Variants in CHD9 observed in about 807,000 individuals in gnomAD.
CHD9 encodes chromodomain helicase DNA binding protein 9.
CHD9 carries 77 observed loss-of-function variants against 316.1 expected under a neutral mutation model. That is an observed-to-expected ratio of 0.24 (90% CI 0.20 to 0.29). CHD9 has a LOEUF of 0.29. Among genes scored for constraint, CHD9 ranks in the 10% least tolerant of loss-of-function variants. The probability of loss-of-function intolerance (pLI) is 1.00; values close to 1 mark genes in which losing one functional copy is unlikely to be tolerated. For synonymous variants in CHD9, 1,129 were observed against 1,158.3 expected, an observed-to-expected ratio of 0.97 and a Z score of 0.51; for missense variants, 2,763 against 3,438.1, an observed-to-expected ratio of 0.80 and a Z score of 4.91.
rs1194740650 is a variant in CHD9, at chr16:53,229,018, A to G, written c.2204A>G (p.Gln735Arg). The change falls in exon 8 of 39, where the codon CAG becomes CGG. Residue 735 changes from glutamine (Q) to arginine (R), a missense_variant. Gln to Arg is a conservative substitution (Grantham distance 43). This residue lies in a region of CHD9 where 859 missense variants were observed against 890.4 expected (regional missense o/e 0.96). Coordinates refer to ENST00000447540, the MANE Select transcript of CHD9 (RefSeq NM_001308319.2). ...YLHCEWATEE[Q>R]LLKDKRIQQK... ...CACTGTGAGTGGGCCACAGAAGAGC[A>G]GCTTTTGAAAGATAAAAGGATCCAG... 6.3e-7 allele frequency: 1 copy of G among 1,593,556 alleles called. No individual in the cohort carries two copies. Among genetic ancestry groups the G allele is most frequent in the Non-Finnish European group, 8.6e-7 (1 of 1,169,244 alleles).
At chr16:53,274,172 G>T in intron 23 of CHD9, 41 bp from the exon 24 acceptor site, 3 of 1,236,914 alleles carry the variant, frequency 2.4e-6, no homozygotes, top group East Asian at 2.4e-5. Flanking sequence ...TTTAAACGAT[G>T]AATGTCTTTA....
In CHD9 at chr16:53,323,872, T is replaced by C. The variant is rs1178858533; in HGVS notation, c.7819-148T>C. 9.3e-6 allele frequency: 6 copies of C among 647,790 alleles called. No homozygotes were observed. In the African/African-American group the frequency reaches 1.1e-4, roughly 12 times the overall value. 40.1% of individuals were successfully genotyped at this position (647,790 alleles called of 1,614,324 possible). A position where few individuals can be genotyped will look rare whatever the true frequency, so the allele number is the denominator to read the frequency against. On this transcript the variant is annotated intron_variant, in intron 38 of 38. Transcript: ENST00000447540. ...AAGCTACCACTTATATAAAATTAGG[T>C]TATTGCTATTATAATTGATTATTTA...
intron 1 of CHD9, among the ~76,000 whole-genome samples, chr16:53,057,124 A>T (rs1341589133): frequency 6.6e-6 from 1 of 152,168 alleles, no homozygotes; most frequent in African/African-American, 2.4e-5. Flanking sequence ...CAGCCTGGGT[A>T]ACACAGTAAG....
chr16:53,307,332 A>G (rs1275160747), intron 32 of CHD9, among the ~76,000 whole-genome samples: 1 of 152,010 alleles, frequency 6.6e-6, no homozygotes, highest in Admixed American at 6.6e-5. Flanking sequence ...ATAGTGGCAC[A>G]ATTTTTTAAT....
intron 5 of CHD9, 137 bp downstream of exon 5, chr16:53,226,649 C>A: frequency 1.1e-6 from 1 of 938,522 alleles, no homozygotes; most frequent in Non-Finnish European, 1.6e-6. Flanking sequence ...TTGAGTCATT[C>A]AAATTAGAAA....
chr16:53,303,731 C>G lies in CHD9; in HGVS notation c.5725C>G (p.Pro1909Ala). 2 of 1,593,102 alleles carry G rather than the reference C, an allele frequency of 1.3e-6. No individual in the cohort carries two copies. Among genetic ancestry groups the G allele is most frequent in the Non-Finnish European group, 1.7e-6 (2 of 1,169,392 alleles). Residue 1909 changes from proline (P) to alanine (A), a missense_variant, in exon 31 of 39, where the codon CCA becomes GCA. Physicochemically the swap from Pro to Ala is conservative, Grantham distance 27. Around this residue, in one of 15 missense-constraint regions of CHD9, gnomAD observed 663 missense variants for 751.2 expected, o/e 0.88. Transcript: ENST00000447540. ...RLPSKEELVDPNIFIQPITEE... is the reference protein window; with the variant it reads ...RLPSKEELVDANIFIQPITEE... ...GTTTCAATATGTAGAATTGGTGGAT[C>G]CAAATATTTTTATCCAGCCCATCAC...
At chr16:53,211,740 A>G (rs1365656434) in intron 3 of CHD9, among the ~76,000 whole-genome samples, 2 of 152,152 alleles carry the variant, frequency 1.3e-5, no homozygotes, top group Non-Finnish European at 2.9e-5. Context: ...TCAATCATTT[A>G]TATCAGTCAA....
At chr16:53,162,841 G>A (rs2042011838) in intron 2 of CHD9, among the ~76,000 whole-genome samples, 1 of 149,780 alleles carries the variant, frequency 6.7e-6, no homozygotes. Flanking sequence ...GGAGTGCAGT[G>A]GGGCGTGATC....
At chr16:53,144,772 C>A (rs1399053604) in intron 1 of CHD9, among the ~76,000 whole-genome samples, 1 of 152,120 alleles carries the variant, frequency 6.6e-6, no homozygotes, top group East Asian at 1.9e-4. Context: ...GATTCGCCCA[C>A]CTCAGCCTCC....
At chr16:53,261,408 C>T (rs1302821686) in intron 19 of CHD9, among the ~76,000 whole-genome samples, 1 of 122,764 alleles carries the variant, frequency 8.1e-6, no homozygotes, top group Non-Finnish European at 1.7e-5. Context: ...GTTTTCTCGC[C>T]AGGCTGGAGT....
intron 1 of CHD9, among the ~76,000 whole-genome samples, chr16:53,085,564 T>G (rs143259204): frequency 3.3e-5 from 5 of 152,258 alleles, no homozygotes; most frequent in African/African-American, 4.8e-5. Context: ...GGGGATAAGT[T>G]CCCATTCCAT....
At chr16:53,103,125 A>G (rs1176565931) in intron 1 of CHD9, among the ~76,000 whole-genome samples, 8 of 149,218 alleles carry the variant, frequency 5.4e-5, no homozygotes, top group Non-Finnish European at 1.0e-4. Flanking sequence ...GATTATAGGC[A>G]TGAGCCACCC....
In CHD9 at chr16:53,227,376, T is replaced by C. The variant is rs2047747505; in HGVS notation, c.2044-20T>C. ...CTTTCAGAATGTGTTCTGTCATTAT[T>C]TCTTTCCTCCCTCCCATAGGAGAAT... is the stretch of plus-strand genomic sequence containing the variant. On this transcript the variant is annotated intron_variant, in intron 5 of 38. Coordinates refer to ENST00000447540, the MANE Select transcript of CHD9 (RefSeq NM_001308319.2). The C allele has an allele frequency of 4.6e-6, 7 of 1,514,008 alleles. No individual in the cohort carries two copies. In the South Asian group the frequency reaches 8.6e-5, roughly 19 times the overall value. The allele number at this position is 1,514,008 out of a possible 1,614,324, so 93.8% of individuals were successfully genotyped here.
At chr16:53,059,894 T>A (rs1204487539) in intron 1 of CHD9, among the ~76,000 whole-genome samples, 1 of 151,992 alleles carries the variant, frequency 6.6e-6, no homozygotes, top group Non-Finnish European at 1.5e-5. Flanking sequence ...GATGAGAAAC[T>A]GCCACTGTAG....
intron 1 of CHD9, among the ~76,000 whole-genome samples, chr16:53,109,177 C>T (rs923006703): frequency 1.3e-5 from 2 of 152,078 alleles, no homozygotes; most frequent in Non-Finnish European, 2.9e-5. Context: ...CAGCCAGTTT[C>T]TCCTAATCCC....
intron 17 of CHD9, chr16:53,250,768 ATTATT>A (rs1205586874): frequency 6.6e-6 from 1 of 152,042 alleles, no homozygotes; most frequent in Non-Finnish European, 1.5e-5. Flanking sequence ...TATAAGAGAA[ATTATT>A]TTATTATTCA....
chr16:53,067,843 T>G (rs1237981682), intron 1 of CHD9, among the ~76,000 whole-genome samples: 1 of 151,848 alleles, frequency 6.6e-6, no homozygotes, highest in Admixed American at 6.6e-5. Flanking sequence ...CAGCCCACAC[T>G]AGAGCCCAGG....
intron 1 of CHD9, among the ~76,000 whole-genome samples, chr16:53,106,481 A>C (rs2037360722): frequency 6.6e-6 from 1 of 152,256 alleles, no homozygotes; most frequent in African/African-American, 2.4e-5. Flanking sequence ...GGCAGTGCTT[A>C]AAGTTAAGTA....
chr16:53,121,543 T>G, intron 1 of CHD9: 1 of 407,042 alleles, frequency 2.5e-6, no homozygotes, highest in Non-Finnish European at 4.9e-6. Context: ...AGATAAAACT[T>G]GGAGACTCTA....
Sources: allele counts gnomAD v4.1 joint callset (sites outside exome capture counted in the v4.1 genomes callset), GRCh38; gene constraint gnomAD v4.1.1; regional missense constraint gnomAD v4.1.1; transcripts MANE v1.5; gene names NCBI Gene and HGNC (gene_info 2026-07-23, HGNC 2026-07-21).